Variants in FGGY observed in about 807,000 individuals in gnomAD.
FGGY encodes FGGY carbohydrate kinase domain-containing protein.
FGGY carries 72 observed loss-of-function variants against 71.3 expected under a neutral mutation model. The ratio of observed to expected loss-of-function variants is 1.01; its 90% confidence interval spans 0.84 to 1.23. The LOEUF is 1.23. FGGY is among the 50% of genes most tolerant of loss of function. The pLI, the probability that FGGY is intolerant of heterozygous loss-of-function variation, is 0.00. For synonymous variants in FGGY, 251 were observed against 250.3 expected (o/e 1.00, Z -0.02); for missense variants, 668 against 682.3 (o/e 0.98, Z 0.23).
chr1:59,381,451 A>G (rs183209346), intron 5 of FGGY, among the ~76,000 whole-genome samples: 3 of 152,154 alleles, frequency 2.0e-5, no homozygotes, highest in African/African-American at 7.2e-5. Flanking sequence ...CACTTTTTAA[A>G]CTTTTCTGTT....
intron 6 of FGGY, among the ~76,000 whole-genome samples, chr1:59,470,472 C>A (rs980570015): frequency 1.3e-5 from 2 of 152,178 alleles, no homozygotes; most frequent in African/African-American, 4.8e-5. Context: ...GCCCCACTTC[C>A]CATTTAACAC....
chr1:59,372,160 C>T (rs946021255), intron 4 of FGGY, among the ~76,000 whole-genome samples: 7 of 151,740 alleles, frequency 4.6e-5, no homozygotes, highest in Non-Finnish European at 5.9e-5. Context: ...ATTGATAGAC[C>T]GTTAGCAAGA....
chr1:59,350,663 G>A (rs1047277539), intron 4 of FGGY, among the ~76,000 whole-genome samples: 1 of 152,118 alleles, frequency 6.6e-6, no homozygotes, highest in Non-Finnish European at 1.5e-5. Flanking sequence ...AGCAAGGGAG[G>A]GGCTGGCTTA....
chr1:59,755,480 C>T (rs559045571), intron 14 of FGGY: 1 of 152,106 alleles, frequency 6.6e-6, no homozygotes, highest in Non-Finnish European at 1.5e-5. Context: ...TGTTGGAGCA[C>T]ATAACTCAAT....
intron 7 of FGGY, among the ~76,000 whole-genome samples, chr1:59,540,227 G>A (rs1444605231): frequency 6.6e-6 from 1 of 152,162 alleles, no homozygotes; most frequent in Non-Finnish European, 1.5e-5. Flanking sequence ...TGATTCAGCA[G>A]TCCTATTCTT....
chr1:59,591,749 A>T (rs1378035773), intron 8 of FGGY, among the ~76,000 whole-genome samples: 1 of 152,234 alleles, frequency 6.6e-6, no homozygotes, highest in East Asian at 1.9e-4. Flanking sequence ...TAGAAAGCTG[A>T]AACTGGATTC....
chr1:59,324,528 G>A (rs2047025971), intron 2 of FGGY, among the ~76,000 whole-genome samples: 2 of 151,658 alleles, frequency 1.3e-5, no homozygotes, highest in South Asian at 2.1e-4. Flanking sequence ...CGCCCGCCTC[G>A]GCCTCCCAAA....
intron 14 of FGGY, among the ~76,000 whole-genome samples, chr1:59,739,797 T>A (rs1174109203): frequency 6.6e-6 from 1 of 152,198 alleles, no homozygotes; most frequent in Non-Finnish European, 1.5e-5. Flanking sequence ...TGAATTCAGC[T>A]TTGTGGACAC....
At chr1:59,504,955 A>G (rs1263893421) in intron 6 of FGGY, among the ~76,000 whole-genome samples, 1 of 152,232 alleles carries the variant, frequency 6.6e-6, no homozygotes, top group Non-Finnish European at 1.5e-5. Context: ...GCTGAGGGGA[A>G]ATGAATATAG....
chr1:59,518,088 A>G lies in FGGY; in HGVS notation c.799+5649A>G, dbSNP rs557073545. On this transcript the variant is annotated intron_variant, in intron 7 of 15. Coordinates refer to ENST00000303721, the MANE Select transcript of FGGY (RefSeq NM_018291.5). ...GATGTTGAACTGGCTTAAATTGCTC[A>G]TCTGGGCCAGATATTGAATTGGTTT... Among the ~76,000 whole-genome samples, 3 of 152,358 alleles carry G rather than the reference A, an allele frequency of 2.0e-5. No homozygotes were observed. In the South Asian group the frequency reaches 6.2e-4, roughly 32 times the overall value.
At chr1:59,502,955 T>C (rs2094272834) in intron 6 of FGGY, among the ~76,000 whole-genome samples, 1 of 152,206 alleles carries the variant, frequency 6.6e-6, no homozygotes, top group Admixed American at 6.5e-5. Context: ...AGACAGGACC[T>C]ACCAGGGGAG....
chr1:59,751,838 G>A (rs377407630), intron 14 of FGGY, among the ~76,000 whole-genome samples: 1 of 152,162 alleles, frequency 6.6e-6, no homozygotes, highest in Non-Finnish European at 1.5e-5. Context: ...TCTCCATCAC[G>A]TGCAAATCCA....
chr1:59,731,659 T>C (rs2098031286), intron 14 of FGGY, among the ~76,000 whole-genome samples: 1 of 152,130 alleles, frequency 6.6e-6, no homozygotes, highest in African/African-American at 2.4e-5. Flanking sequence ...ATTCTCCATA[T>C]GATTTATCTA....
chr1:59,729,846 G>A (rs541261772), intron 14 of FGGY, among the ~76,000 whole-genome samples: 2 of 152,262 alleles, frequency 1.3e-5, no homozygotes, highest in South Asian at 4.1e-4. Context: ...AGGCACTAGA[G>A]TTGAAGAGAT....
intron 8 of FGGY, among the ~76,000 whole-genome samples, chr1:59,566,208 G>C (rs1359803258): frequency 6.6e-6 from 1 of 152,120 alleles, no homozygotes; most frequent in Non-Finnish European, 1.5e-5. Context: ...GGATGAAATA[G>C]ATGATGAGGC....
intron 10 of FGGY, chr1:59,626,274 T>TCTG (rs1417987638): frequency 1.6e-5 from 7 of 439,802 alleles, no homozygotes; most frequent in African/African-American, 1.4e-4. Flanking sequence ...ACCCAGGGAC[T>TCTG]ATAGATAAGA....
intron 6 of FGGY, among the ~76,000 whole-genome samples, chr1:59,504,209 TC>T (rs138161603): frequency 0.28 from 42,605 of 152,020 alleles, 6,406 homozygotes; most frequent in Middle Eastern, 0.34. Context: ...CTGCGCCCCT[TC>T]CCCCTTACCT....
At chr1:59,565,570 C>T (rs578162199) in intron 8 of FGGY, among the ~76,000 whole-genome samples, 6 of 152,328 alleles carry the variant, frequency 3.9e-5, no homozygotes, top group African/African-American at 1.4e-4. Flanking sequence ...AGGCGTGAGC[C>T]ACCGCGCCTG....
intron 5 of FGGY, among the ~76,000 whole-genome samples, chr1:59,390,905 A>ATTCC (rs1240647579): frequency 6.6e-6 from 1 of 152,144 alleles, no homozygotes; most frequent in African/African-American, 2.4e-5. Flanking sequence ...TCATTCATTC[A>ATTCC]CTTATTCCTT....
Sources: allele counts gnomAD v4.1 joint callset (sites outside exome capture counted in the v4.1 genomes callset), GRCh38; gene constraint gnomAD v4.1.1; transcripts MANE v1.5; gene names NCBI Gene and HGNC (gene_info 2026-07-23, HGNC 2026-07-21).